CCDC85A: variants seen among roughly 807,000 people sequenced by gnomAD.
CCDC85A encodes coiled-coil domain containing 85A.
Under a neutral mutation model 50.2 loss-of-function variants are expected in CCDC85A, and 38 were observed. The observed-to-expected ratio is 0.76, with a 90% CI of 0.58 to 0.99. CCDC85A has a LOEUF of 0.99. CCDC85A is among the 50% of genes least tolerant of loss of function. CCDC85A has a pLI of 0.00. For missense variants in CCDC85A, 820 were observed against 742.0 expected, an observed-to-expected ratio of 1.11 and a Z score of -1.22; for synonymous variants, 366 against 301.4, an observed-to-expected ratio of 1.21 and a Z score of -2.22.
At chr2:56,344,225 A>G (rs1674518370) in intron 3 of CCDC85A, among the ~76,000 whole-genome samples, 2 of 152,230 alleles carry the variant, frequency 1.3e-5, no homozygotes, top group Admixed American at 1.3e-4. Flanking sequence ...AGAGATTAAC[A>G]ACACTAATAA....
chr2:56,233,483 A>G (rs1573068270), intron 2 of CCDC85A, among the ~76,000 whole-genome samples: 1 of 152,212 alleles, frequency 6.6e-6, no homozygotes, highest in Admixed American at 6.5e-5. Context: ...CATTGTAACT[A>G]CCCAACTCCA....
intron 2 of CCDC85A, among the ~76,000 whole-genome samples, chr2:56,295,759 A>G (rs138095844): frequency 7.9e-5 from 12 of 152,280 alleles, no homozygotes; most frequent in Non-Finnish European, 1.5e-4. Context: ...GAAACCCCTT[A>G]GAGGATAGAC....
At chr2:56,264,215 T>G (rs1340292367) in intron 2 of CCDC85A, among the ~76,000 whole-genome samples, 1 of 152,140 alleles carries the variant, frequency 6.6e-6, no homozygotes, top group Non-Finnish European at 1.5e-5. Context: ...ATCTCCAGCT[T>G]GAACTTTCCT....
At chr2:56,270,494 A>G (rs191141700) in intron 2 of CCDC85A, among the ~76,000 whole-genome samples, 15 of 152,334 alleles carry the variant, frequency 9.8e-5, no homozygotes, top group Admixed American at 7.8e-4. Context: ...ATGAAAAGTA[A>G]TAGATACTTT....
chr2:56,365,737 T>G (rs1675759547), intron 3 of CCDC85A, among the ~76,000 whole-genome samples: 1 of 152,220 alleles, frequency 6.6e-6, no homozygotes, highest in Non-Finnish European at 1.5e-5. Flanking sequence ...AACATATACA[T>G]CAGTTCGCAT....
chr2:56,201,446 C>G (rs1450658163), intron 2 of CCDC85A, among the ~76,000 whole-genome samples: 1 of 152,108 alleles, frequency 6.6e-6, no homozygotes, highest in Non-Finnish European at 1.5e-5. Flanking sequence ...TTGCATTAAA[C>G]TCAGAATTTT....
At chr2:56,351,730 T>C (rs1217829800) in intron 3 of CCDC85A, among the ~76,000 whole-genome samples, 2 of 150,434 alleles carry the variant, frequency 1.3e-5, no homozygotes, top group African/African-American at 2.5e-5. Context: ...TTGTTTGAGT[T>C]CATTGTAGAT....
intron 2 of CCDC85A, among the ~76,000 whole-genome samples, chr2:56,274,057 A>G (rs1185316536): frequency 6.6e-6 from 1 of 152,184 alleles, no homozygotes; most frequent in East Asian, 1.9e-4. Flanking sequence ...GAGAGGTACT[A>G]AATCAGTTGA....
chr2:56,241,182 A>G (rs1466223586), intron 2 of CCDC85A, among the ~76,000 whole-genome samples: 1 of 151,864 alleles, frequency 6.6e-6, no homozygotes, highest in African/African-American at 2.4e-5. Flanking sequence ...GCCATTTTTA[A>G]TTTTTATTTT....
chr2:56,329,717 G>A lies in CCDC85A; in HGVS notation c.1241-13162G>A, dbSNP rs576091528. 1.6e-3 allele frequency among the ~76,000 whole-genome samples: 245 copies of A among 152,048 alleles called. 2 individuals are homozygous for A. The highest frequency in any genetic ancestry group is 5.8e-3 in the African/African-American group (239 of 41,474). On this transcript the variant is annotated intron_variant, in intron 2 of 5. Transcript: ENST00000407595. ...AGAGTATATGCTGGCTAAATTCAAT[G>A]AATTTATTTATGAATTCCCAATTGA...
chr2:56,352,762 C>A (rs139139226), intron 3 of CCDC85A, among the ~76,000 whole-genome samples: 2 of 152,268 alleles, frequency 1.3e-5, no homozygotes, highest in Non-Finnish European at 1.5e-5. Flanking sequence ...GATAGTAATT[C>A]GGAGAGGCAC....
At chr2:56,242,016 G>C (rs565818891) in intron 2 of CCDC85A, among the ~76,000 whole-genome samples, 5 of 152,212 alleles carry the variant, frequency 3.3e-5, no homozygotes, top group Non-Finnish European at 5.9e-5. Flanking sequence ...TTGGATAAAA[G>C]CCATTTTAAA....
At chr2:56,336,287 G>A (rs1030320556) in intron 2 of CCDC85A, among the ~76,000 whole-genome samples, 5 of 151,872 alleles carry the variant, frequency 3.3e-5, no homozygotes, top group Admixed American at 3.3e-4. Context: ...CTCGAGTAGC[G>A]GGAGTACAGG....
At chr2:56,194,013 G>T (rs1676430145) in intron 2 of CCDC85A, among the ~76,000 whole-genome samples, 1 of 152,064 alleles carries the variant, frequency 6.6e-6, no homozygotes, top group Non-Finnish European at 1.5e-5. Context: ...TTTCCATTGT[G>T]TTGGAGGCCT....
intron 2 of CCDC85A, among the ~76,000 whole-genome samples, chr2:56,277,826 C>G (rs1357711396): frequency 6.6e-6 from 1 of 152,202 alleles, no homozygotes; most frequent in African/African-American, 2.4e-5. Flanking sequence ...GTAGCACTTA[C>G]CTCCCCTAGG....
At chr2:56,364,878 C>T (rs1164249321) in intron 3 of CCDC85A, among the ~76,000 whole-genome samples, 1 of 152,152 alleles carries the variant, frequency 6.6e-6, no homozygotes, top group Non-Finnish European at 1.5e-5. Context: ...CTTTGTTGAT[C>T]TCCTAATTGG....
chr2:56,340,234 TA>T (rs1192877248), intron 2 of CCDC85A, among the ~76,000 whole-genome samples: 2 of 152,206 alleles, frequency 1.3e-5, no homozygotes, highest in Admixed American at 6.5e-5. Context: ...TTAGAGGTCA[TA>T]AAAATAGAAT....
rs1669410074 is a variant in CCDC85A, at chr2:56,244,409, C to G, written c.1240+50969C>G. Among the ~76,000 whole-genome samples the G allele has an allele frequency of 2.0e-5, 3 of 152,004 alleles. No individual in the cohort carries two copies. In the South Asian group the frequency reaches 6.2e-4, roughly 32 times the overall value. On this transcript the variant is annotated intron_variant, in intron 2 of 5. Coordinates refer to ENST00000407595, the MANE Select transcript of CCDC85A (RefSeq NM_001080433.2). ...GACAATTCACTTAAGGTACAAGTGC[C>G]TTTCAGTCAACTTGTGCTGAATGCT...
intron 1 of CCDC85A, among the ~76,000 whole-genome samples, chr2:56,189,711 G>A (rs147982234): frequency 7.9e-5 from 12 of 152,160 alleles, no homozygotes; most frequent in African/African-American, 9.7e-5. Context: ...CATAGTATCC[G>A]ATAGTTTTTT....
Sources: allele counts gnomAD v4.1 joint callset (sites outside exome capture counted in the v4.1 genomes callset), GRCh38; gene constraint gnomAD v4.1.1; transcripts MANE v1.5; gene names NCBI Gene and HGNC (gene_info 2026-07-23, HGNC 2026-07-21).